Variants in RASAL2 observed in about 807,000 individuals in gnomAD.
The protein encoded by RASAL2 is RAS protein activator like 2.
Under a neutral mutation model 128.9 loss-of-function variants are expected in RASAL2, and 58 were observed. The ratio of observed to expected loss-of-function variants is 0.45; its 90% CI spans 0.36 to 0.56. RASAL2 has a LOEUF of 0.56. Among genes scored for constraint, RASAL2 ranks in the 20% least tolerant of loss-of-function variants. RASAL2 has a pLI of 0.00. For missense variants in RASAL2, 1,360 were observed against 1,601.6 expected (o/e 0.85, Z 2.57); for synonymous variants, 561 against 580.8 (o/e 0.97, Z 0.49).
At chr1:178,207,550 G>T (rs1328665023) in intron 1 of RASAL2, among the ~76,000 whole-genome samples, 1 of 152,050 alleles carries the variant, frequency 6.6e-6, no homozygotes, top group Non-Finnish European at 1.5e-5. Flanking sequence ...AGGGAATCCT[G>T]GAACCGATTC....
At chr1:178,374,756 T>C (rs1338346363) in intron 3 of RASAL2, among the ~76,000 whole-genome samples, 1 of 152,164 alleles carries the variant, frequency 6.6e-6, no homozygotes, top group Admixed American at 6.6e-5. Context: ...TTACTTCCTG[T>C]CTTGGAACAA....
chr1:178,138,566 C>T (rs186851216), intron 1 of RASAL2, among the ~76,000 whole-genome samples: 1 of 152,216 alleles, frequency 6.6e-6, no homozygotes, highest in East Asian at 1.9e-4. Context: ...TTTCTCATTT[C>T]TCTCATCTCT....
At chr1:178,107,707 A>C (rs1659149138) in intron 1 of RASAL2, among the ~76,000 whole-genome samples, 1 of 152,122 alleles carries the variant, frequency 6.6e-6, no homozygotes, top group Non-Finnish European at 1.5e-5. Context: ...CATATAGGTG[A>C]AATCATACAT....
At chr1:178,355,770 T>C (rs149968833) in intron 3 of RASAL2, among the ~76,000 whole-genome samples, 51 of 152,082 alleles carry the variant, frequency 3.4e-4, no homozygotes, top group African/African-American at 1.2e-3. Flanking sequence ...CAAAGCCCAA[T>C]AGAAAAATGG....
At position 178,302,850 on chromosome 1, in the gene RASAL2, G is replaced by A. The variant is rs1391020488; in HGVS notation, c.457+2732G>A. Among the ~76,000 whole-genome samples the A allele has an allele frequency of 3.9e-5, 6 of 152,202 alleles. No individual in the cohort carries two copies. In the South Asian group the frequency reaches 1.0e-3, roughly 26 times the overall value. ...AGGTCAGGAGTTCAAGACCAGCCTGGTCAATATGGTGAAACCCTGTCTCGA... is the reference window on the plus strand; with the variant it reads ...AGGTCAGGAGTTCAAGACCAGCCTGATCAATATGGTGAAACCCTGTCTCGA... On this transcript the variant is annotated intron_variant, in intron 3 of 17. Coordinates refer to ENST00000367649, the MANE Select transcript of RASAL2 (RefSeq NM_170692.4).
At position 178,351,167 on chromosome 1, in the gene RASAL2, C is replaced by T. The variant is rs373667261; in HGVS notation, c.458-38933C>T. 2.0e-5 allele frequency among the ~76,000 whole-genome samples: 3 copies of T among 152,180 alleles called. No individual in the cohort carries two copies. The East Asian group carries it at 5.8e-4, about 29-fold the overall frequency. Reference sequence around the variant, plus strand: ...AGAAACTGCCCCCATGATCCAGTCACCTCCCACCAGGCTCCATTTCCCGCA... The same window carrying T: ...AGAAACTGCCCCCATGATCCAGTCATCTCCCACCAGGCTCCATTTCCCGCA... On this transcript the variant is annotated intron_variant, in intron 3 of 17. Transcript: ENST00000367649.
intron 1 of RASAL2, among the ~76,000 whole-genome samples, chr1:178,260,620 T>G (rs1419559827): frequency 2.0e-5 from 3 of 151,376 alleles, no homozygotes; most frequent in African/African-American, 7.3e-5. Flanking sequence ...AGGTAAAATA[T>G]TTCCCATTAT....
At chr1:178,163,215 C>A (rs993120947) in intron 1 of RASAL2, among the ~76,000 whole-genome samples, 1 of 152,296 alleles carries the variant, frequency 6.6e-6, no homozygotes, top group African/African-American at 2.4e-5. Flanking sequence ...ATCTGCCTGC[C>A]TCAGCCTCCC....
At chr1:178,176,260 C>T (rs1661887415) in intron 1 of RASAL2, among the ~76,000 whole-genome samples, 1 of 152,088 alleles carries the variant, frequency 6.6e-6, no homozygotes, top group African/African-American at 2.4e-5. Flanking sequence ...CTTGCGTGGC[C>T]ATTATTGCAG....
At chr1:178,120,306 C>T (rs1659669637) in intron 1 of RASAL2, among the ~76,000 whole-genome samples, 1 of 150,024 alleles carries the variant, frequency 6.7e-6, no homozygotes, top group Non-Finnish European at 1.5e-5. Flanking sequence ...GTCTTAGAGT[C>T]CCCTGCTGTT....
intron 1 of RASAL2, among the ~76,000 whole-genome samples, chr1:178,095,537 ACGT>A (rs1440691712): frequency 6.6e-6 from 1 of 152,234 alleles, no homozygotes; most frequent in African/African-American, 2.4e-5. Flanking sequence ...GACATTAGTA[ACGT>A]GGCTGAGTAT....
chr1:178,375,552 A>G (rs1376109181), intron 3 of RASAL2, among the ~76,000 whole-genome samples: 1 of 152,174 alleles, frequency 6.6e-6, no homozygotes, highest in Non-Finnish European at 1.5e-5. Context: ...TGGTTTGTGT[A>G]TTAAAACCAG....
intron 3 of RASAL2, among the ~76,000 whole-genome samples, chr1:178,381,676 T>C (rs1672295615): frequency 6.6e-6 from 1 of 151,858 alleles, no homozygotes; most frequent in Non-Finnish European, 1.5e-5. Flanking sequence ...AGACTAAATC[T>C]TTTTTTTAAT....
At chr1:178,265,727 C>G (rs1157913844) in intron 1 of RASAL2, among the ~76,000 whole-genome samples, 2 of 152,174 alleles carry the variant, frequency 1.3e-5, no homozygotes, top group Non-Finnish European at 2.9e-5. Flanking sequence ...ATACCCTGCT[C>G]AAGAAACAGA....
intron 5 of RASAL2, among the ~76,000 whole-genome samples, chr1:178,434,692 T>A (rs1027492043): frequency 4.0e-5 from 6 of 151,778 alleles, no homozygotes; most frequent in African/African-American, 1.5e-4. Context: ...GCTGTCAGGA[T>A]CCTCAGGCTG....
At chr1:178,289,796 C>G (rs1667195166) in intron 2 of RASAL2, among the ~76,000 whole-genome samples, 1 of 152,182 alleles carries the variant, frequency 6.6e-6, no homozygotes, top group Non-Finnish European at 1.5e-5. Context: ...CAAAAGCTTC[C>G]CCAACGTGCT....
intron 1 of RASAL2, among the ~76,000 whole-genome samples, chr1:178,249,533 C>T (rs540568256): frequency 6.6e-6 from 1 of 152,108 alleles, no homozygotes; most frequent in East Asian, 1.9e-4. Flanking sequence ...CTTCTGAAGC[C>T]TACTCCTGTC....
intron 1 of RASAL2, among the ~76,000 whole-genome samples, chr1:178,265,445 G>A (rs1665902657): frequency 2.0e-5 from 3 of 152,074 alleles, no homozygotes; most frequent in Admixed American, 6.6e-5. Flanking sequence ...ATAGAAAAAC[G>A]TTATTATTGT....
At chr1:178,227,555 A>G (rs980307376) in intron 1 of RASAL2, among the ~76,000 whole-genome samples, 2 of 152,208 alleles carry the variant, frequency 1.3e-5, no homozygotes, top group African/African-American at 4.8e-5. Context: ...GGGAAGTTCC[A>G]GGAAGACAGG....
Sources: allele counts gnomAD v4.1 joint callset (sites outside exome capture counted in the v4.1 genomes callset), GRCh38; gene constraint gnomAD v4.1.1; transcripts MANE v1.5; gene names NCBI Gene and HGNC (gene_info 2026-07-23, HGNC 2026-07-21).